INPP4B: variants seen among roughly 807,000 people sequenced by gnomAD.
INPP4B encodes inositol polyphosphate-4-phosphatase type II B.
INPP4B carries 55 observed loss-of-function variants against 122.5 expected under a neutral mutation model. That is an observed-to-expected ratio of 0.45 (90% CI 0.36 to 0.56). The LOEUF (loss-of-function observed/expected upper bound fraction) is 0.56, where lower values mean the gene tolerates loss of function less well. INPP4B is among the 20% of genes least tolerant of loss of function. INPP4B has a pLI of 0.00. For synonymous variants in INPP4B, 403 were observed against 388.7 expected (o/e 1.04, Z -0.43); for missense variants, 1,000 against 1,097.7 (o/e 0.91, Z 1.26).
chr4:142,560,602 C>T (rs1730249531), intron 2 of INPP4B: 1 of 152,190 alleles, frequency 6.6e-6, no homozygotes, highest in African/African-American at 2.4e-5. Flanking sequence ...TGGCAAACCA[C>T]TGGTGTAAGT....
chr4:142,690,025 T>C (rs1158348784), intron 2 of INPP4B, among the ~76,000 whole-genome samples: 3 of 152,186 alleles, frequency 2.0e-5, no homozygotes, highest in Non-Finnish European at 4.4e-5. Context: ...TGCACTGTCC[T>C]GTATATTGCT....
At chr4:142,636,455 AG>A (rs1489652493) in intron 2 of INPP4B, among the ~76,000 whole-genome samples, 1 of 152,170 alleles carries the variant, frequency 6.6e-6, no homozygotes, top group African/African-American at 2.4e-5. Flanking sequence ...ATGAATTAAA[AG>A]TCTCAATATC....
chr4:142,801,869 G>GT (rs1390257304), intron 1 of INPP4B, among the ~76,000 whole-genome samples: 1 of 151,884 alleles, frequency 6.6e-6, no homozygotes, highest in Non-Finnish European at 1.5e-5. Context: ...GTCCTGTCGA[G>GT]TTTTTTTTGT....
chr4:142,368,407 C>CT (rs1466371539), intron 7 of INPP4B, among the ~76,000 whole-genome samples: 2 of 152,024 alleles, frequency 1.3e-5, no homozygotes, highest in Admixed American at 1.3e-4. Context: ...GGCATCATTA[C>CT]TCCCTCAGTC....
At chr4:142,810,347 A>G (rs1247823591) in intron 1 of INPP4B, among the ~76,000 whole-genome samples, 7 of 152,210 alleles carry the variant, frequency 4.6e-5, no homozygotes, top group Non-Finnish European at 1.5e-5. Flanking sequence ...TTATTTAATT[A>G]TAGAATAGTA....
chr4:142,474,426 A>G (rs918838782), intron 2 of INPP4B: 5 of 151,402 alleles, frequency 3.3e-5, no homozygotes, highest in Non-Finnish European at 2.9e-5. Context: ...GAAGGCAGGC[A>G]CAGCCTCCTG....
intron 1 of INPP4B, among the ~76,000 whole-genome samples, chr4:142,774,387 G>A (rs1475208950): frequency 6.6e-6 from 1 of 152,082 alleles, no homozygotes; most frequent in Admixed American, 6.5e-5. Flanking sequence ...CCTCTCCAAA[G>A]GCAGGTGAGT....
intron 2 of INPP4B, among the ~76,000 whole-genome samples, chr4:142,661,493 T>C (rs1271534800): frequency 6.6e-6 from 1 of 152,194 alleles, no homozygotes; most frequent in African/African-American, 2.4e-5. Context: ...TGTGGTAGAA[T>C]TTGAAAAATA....
At chr4:142,029,205 C>A (rs1738262914) in intron 25 of INPP4B, 1 of 1,065,794 alleles carries the variant, frequency 9.4e-7, no homozygotes, top group Admixed American at 4.9e-5. Flanking sequence ...ACTTTAGTTT[C>A]ATAAATATAT....
At chr4:142,069,834 A>T (rs1578794903) in intron 25 of INPP4B, among the ~76,000 whole-genome samples, 1 of 152,220 alleles carries the variant, frequency 6.6e-6, no homozygotes, top group African/African-American at 2.4e-5. Flanking sequence ...AAATTGAGGA[A>T]ATAATTAATA....
At chr4:142,094,469 A>C (rs1185925743) in intron 23 of INPP4B, among the ~76,000 whole-genome samples, 1 of 152,178 alleles carries the variant, frequency 6.6e-6, no homozygotes, top group African/African-American at 2.4e-5. Context: ...TGAAAAACAG[A>C]CTAAGAATGG....
chr4:142,033,093 C>T (rs534193775), intron 25 of INPP4B, among the ~76,000 whole-genome samples: 322 of 152,256 alleles, frequency 2.1e-3, no homozygotes, highest in Middle Eastern at 6.8e-3. Context: ...GAAAAGGAAT[C>T]TGAACAATTG....
chr4:142,689,206 A>G (rs1759799984), intron 2 of INPP4B, among the ~76,000 whole-genome samples: 1 of 152,154 alleles, frequency 6.6e-6, no homozygotes, highest in Admixed American at 6.5e-5. Flanking sequence ...ATTGGGTGTT[A>G]TATTCTCAGG....
In INPP4B at chr4:142,637,513, G is replaced by A. The variant is rs1240720543; in HGVS notation, c.-191+88326C>T. On this transcript the variant is annotated intron_variant, in intron 2 of 25. Transcript: ENST00000262992. Reference sequence around the variant, plus strand: ...TGCATTTGAATTTCTTCCATGTATTGTCATGGCTTGATACTTCATTTCTTT... The same window carrying A: ...TGCATTTGAATTTCTTCCATGTATTATCATGGCTTGATACTTCATTTCTTT... Among the ~76,000 whole-genome samples the A allele has an allele frequency of 1.4e-4, 21 of 151,976 alleles. 1 individual carries two copies. The highest frequency in any genetic ancestry group is 4.6e-4 in the African/African-American group (19 of 41,358).
chr4:142,252,601 T>C (rs935579129), intron 11 of INPP4B, among the ~76,000 whole-genome samples: 1 of 152,264 alleles, frequency 6.6e-6, no homozygotes, highest in Non-Finnish European at 1.5e-5. Context: ...TATGTCTCAA[T>C]TTTATTCATA....
At chr4:142,253,531 G>A (rs887634572) in intron 11 of INPP4B, among the ~76,000 whole-genome samples, 5 of 152,208 alleles carry the variant, frequency 3.3e-5, no homozygotes, top group African/African-American at 1.2e-4. Context: ...GCGAGGCATT[G>A]CCTCACTCGG....
intron 7 of INPP4B, among the ~76,000 whole-genome samples, chr4:142,329,415 C>G (rs1773643459): frequency 6.6e-6 from 1 of 152,170 alleles, no homozygotes; most frequent in Non-Finnish European, 1.5e-5. Context: ...GGAAGAAAGG[C>G]AGGGCTCTGG....
chr4:142,100,953 T>C (rs1784211855), intron 23 of INPP4B, among the ~76,000 whole-genome samples: 1 of 152,104 alleles, frequency 6.6e-6, no homozygotes, highest in South Asian at 2.1e-4. Context: ...GAAAAATGAT[T>C]AATAACTTAG....
At chr4:142,623,600 G>A (rs1159102952) in intron 2 of INPP4B, among the ~76,000 whole-genome samples, 1 of 151,456 alleles carries the variant, frequency 6.6e-6, no homozygotes, top group Admixed American at 6.6e-5. Flanking sequence ...TAAGTTTTAG[G>A]GTACATGCGC....
Sources: gnomAD v4.1 joint callset for allele counts (sites outside exome capture counted in the v4.1 genomes callset) on GRCh38, gnomAD v4.1.1 for gene constraint, MANE v1.5 for transcripts, NCBI Gene and HGNC (gene_info 2026-07-23, HGNC 2026-07-21) for gene names.